CNTNAP3: variants seen among roughly 807,000 people sequenced by gnomAD.
CNTNAP3 encodes the protein contactin-associated protein-like 3.
In CNTNAP3, 36 loss-of-function variants were observed where a neutral mutation model predicts 92.1. That is an observed-to-expected ratio of 0.39 (90% CI 0.30 to 0.52). The LOEUF (loss-of-function observed/expected upper bound fraction) is 0.52. Ranked by LOEUF, CNTNAP3 falls within the 20% of genes least tolerant of loss-of-function variation. The probability of loss-of-function intolerance (pLI) is 0.76; values close to 1 mark genes in which losing one functional copy is unlikely to be tolerated. For synonymous variants in CNTNAP3, 232 were observed against 422.3 expected (o/e 0.55, Z 5.53); for missense variants, 534 against 1,069.6 (o/e 0.50, Z 6.98).
chr9:39,097,014 C>G (rs1826342143), intron 18 of CNTNAP3, among the ~76,000 whole-genome samples: 1 of 151,476 alleles, frequency 6.6e-6, no homozygotes, highest in African/African-American at 2.4e-5. Flanking sequence ...TATTGGTGTG[C>G]TTAGTTATGT....
intron 15 of CNTNAP3, among the ~76,000 whole-genome samples, chr9:39,104,909 C>G (rs2990116): frequency 6.6e-6 from 1 of 152,134 alleles, no homozygotes; most frequent in East Asian, 1.9e-4. Flanking sequence ...CATTTGTCCA[C>G]TTTCTCCAAC....
At chr9:39,103,642 T>C in intron 16 of CNTNAP3, 102 bp downstream of exon 16, 1 of 1,313,552 alleles carries the variant, frequency 7.6e-7, no homozygotes, top group South Asian at 1.6e-5. Flanking sequence ...TATAATGAAA[T>C]AGAATCACAA....
At chr9:39,078,214 A>T in intron 23 of CNTNAP3, 171 bp downstream of exon 23, 3 of 1,379,048 alleles carry the variant, frequency 2.2e-6, no homozygotes, top group Non-Finnish European at 2.0e-6. Flanking sequence ...TCTCAAATAG[A>T]AAAAAAACAA....
intron 18 of CNTNAP3, among the ~76,000 whole-genome samples, chr9:39,089,377 T>TATCA (rs1477840248): frequency 6.6e-6 from 1 of 152,270 alleles, no homozygotes; most frequent in Non-Finnish European, 1.5e-5. Flanking sequence ...TTGTAGCATG[T>TATCA]ATCAGTATTT....
chr9:39,122,072 TG>T, intron 13 of CNTNAP3, among the ~76,000 whole-genome samples: 2 of 152,204 alleles, frequency 1.3e-5, no homozygotes, highest in South Asian at 4.2e-4. Flanking sequence ...AGGATGCTTC[TG>T]GCCGGGCGCG....
At chr9:39,147,069 G>C (rs147812730) in intron 10 of CNTNAP3, among the ~76,000 whole-genome samples, 2,570 of 152,202 alleles carry the variant, frequency 0.017, 84 homozygotes, top group African/African-American at 0.058. Context: ...GTTTTATAAA[G>C]GGGAGTTTCC....
At chr9:39,121,118 C>T (rs878994621) in intron 13 of CNTNAP3, among the ~76,000 whole-genome samples, 3 of 150,612 alleles carry the variant, frequency 2.0e-5, no homozygotes, top group African/African-American at 7.4e-5. Flanking sequence ...AAAAGTTAGA[C>T]GTTGGCAGAA....
Position 39,109,196 on chromosome 9 carries a change from C to T in CNTNAP3, c.2329G>A (p.Ala777Thr). The T allele has an allele frequency of 6.2e-7, 1 of 1,613,004 alleles. No individual in the cohort carries two copies. Among genetic ancestry groups the T allele is most frequent in the South Asian group, 1.1e-5 (1 of 91,024 alleles). ...TDAGRPHSEA[A>T]YTLGPLLCRG... ...CAGAGCAGTGGCCCCAGTGTATAAG[C>T]TGCTTCGGAATGTGGTCGGCCTGCG... The change falls in exon 15 of 24, where the codon GCT becomes ACT. Residue 777 changes from alanine to threonine, a missense_variant. Coordinates refer to ENST00000297668, the MANE Select transcript of CNTNAP3 (RefSeq NM_033655.5).
intron 14 of CNTNAP3, among the ~76,000 whole-genome samples, chr9:39,112,941 A>G (rs1282301764): frequency 6.6e-6 from 1 of 152,144 alleles, no homozygotes; most frequent in Non-Finnish European, 1.5e-5. Flanking sequence ...TGCAATCCAC[A>G]CAAGTAAAAC....
At position 39,161,841 on chromosome 9, in the gene CNTNAP3, C is replaced by T. The variant is rs1166388453; in HGVS notation, c.1477+4092G>A. 5.9e-5 allele frequency among the ~76,000 whole-genome samples: 6 copies of T among 102,208 alleles called. No individual in the cohort carries two copies. In the East Asian group the frequency reaches 1.5e-3, roughly 25 times the overall value. The allele number at this position is 102,208 out of a possible 152,430, so 67.1% of individuals were successfully genotyped here. On this transcript the variant is annotated intron_variant, in intron 9 of 23. Transcript: ENST00000297668. ...CAACAGGTGAGACTGACTCTAAAGTCTCAAAAAAAAAAAAAAAAAAGTAAA... is the reference window on the plus strand; with the variant it reads ...CAACAGGTGAGACTGACTCTAAAGTTTCAAAAAAAAAAAAAAAAAAGTAAA...
chr9:39,260,526 T>C (rs1822866234), intron 2 of CNTNAP3, among the ~76,000 whole-genome samples: 1 of 17,620 alleles, frequency 5.7e-5, no homozygotes, highest in Non-Finnish European at 1.1e-4. Flanking sequence ...CCATCCTGGC[T>C]AACATGGTGA....
rs1826422350 is a variant in CNTNAP3, at chr9:39,100,140, G to GCTAACAAATCTCATAGCTCT, written c.2765_2766insAGAGCTATGAGATTTGTTAG (p.Thr923GlufsTer3). The GCTAACAAATCTCATAGCTCT allele has an allele frequency of 6.3e-7, 1 of 1,582,836 alleles. No individual in the cohort carries two copies. Among genetic ancestry groups the GCTAACAAATCTCATAGCTCT allele is most frequent in the Non-Finnish European group, 8.6e-7 (1 of 1,161,604 alleles). ...ATCCTAGAAAGCCTCTCTGTCTGGT[G>GCTAACAAATCTCATAGCTCT]GCCGTTCCACCTACAACGGAAACAC... On this transcript the variant is annotated stop_gained and frameshift_variant, in exon 18 of 24. Coordinates refer to ENST00000297668, the MANE Select transcript of CNTNAP3 (RefSeq NM_033655.5). LOFTEE classifies it high-confidence loss of function.
At position 39,073,079 on chromosome 9, in the gene CNTNAP3, T is replaced by G. The variant is rs1352706178; in HGVS notation, c.*811A>C. The G allele has an allele frequency of 6.5e-6, 1 of 152,832 alleles. No individual in the cohort carries two copies. The allele number at this position is 152,832 out of a possible 1,614,324, so 9.5% of individuals were successfully genotyped here. A position where few individuals can be genotyped will look rare whatever the true frequency, so the allele number is the denominator to read the frequency against. ...ACAAAGAAAAACAGGCAGACAATCT[T>G]GTATTGACATCCTCTTGCATCTTGT... On this transcript the variant is annotated 3_prime_UTR_variant, in exon 24 of 24. Coordinates refer to ENST00000297668, the MANE Select transcript of CNTNAP3 (RefSeq NM_033655.5).
At chr9:39,133,167 C>A in intron 12 of CNTNAP3, 32 bp from the exon 13 acceptor site, 1 of 1,557,270 alleles carries the variant, frequency 6.4e-7, no homozygotes, top group Non-Finnish European at 8.6e-7. Flanking sequence ...AGAGGCATCA[C>A]TGGACGGCAG....
intron 14 of CNTNAP3, among the ~76,000 whole-genome samples, chr9:39,112,102 G>A (rs1294154191): frequency 6.6e-6 from 1 of 151,246 alleles, no homozygotes; most frequent in Non-Finnish European, 1.5e-5. Flanking sequence ...TGCTTTCATA[G>A]GTACCATAAT....
chr9:39,109,303 C>T lies in CNTNAP3; in HGVS notation c.2238-16G>A, dbSNP rs758094186. ...GTCACTAGTCCTAAAGAACAACAAC[C>T]GAAACCATTAAAATTATTCTGATTA... On this transcript the variant is annotated splice_polypyrimidine_tract_variant and intron_variant, in intron 14 of 23. Transcript: ENST00000297668. The T allele has an allele frequency of 5.0e-6, 8 of 1,610,604 alleles. No individual in the cohort carries two copies. The highest frequency in any genetic ancestry group is 5.9e-6 in the Non-Finnish European group (7 of 1,179,120).
At chr9:39,102,829 T>A in intron 16 of CNTNAP3, 114 bp from the exon 17 acceptor site, 1 of 1,338,148 alleles carries the variant, frequency 7.5e-7, no homozygotes, top group Non-Finnish European at 1.0e-6. Context: ...ATGACGGCGA[T>A]GCAGAAAAAC....
At chr9:39,119,308 T>C (rs1224123590) in intron 13 of CNTNAP3, among the ~76,000 whole-genome samples, 2 of 145,972 alleles carry the variant, frequency 1.4e-5, no homozygotes, top group South Asian at 2.1e-4. Flanking sequence ...ATAGATAAGA[T>C]CTCTGCATTC....
Position 39,067,144 on chromosome 9 carries a change from A to G in CNTNAP3, c.*6746T>C, listed in dbSNP as rs1312703927. ...AAAACTCTCATCTGCCATTAATTAC[A>G]TCCATTGTATTTTTTAATCTTATAC... On this transcript the variant is annotated 3_prime_UTR_variant, in exon 24 of 24. Coordinates refer to ENST00000297668, the MANE Select transcript of CNTNAP3 (RefSeq NM_033655.5). Among the ~76,000 whole-genome samples, 1 of 151,730 alleles carries G rather than the reference A, an allele frequency of 6.6e-6. No individual in the cohort carries two copies. Among genetic ancestry groups the G allele is most frequent in the Non-Finnish European group, 1.5e-5 (1 of 67,552 alleles).
Sources: gnomAD v4.1 joint callset for allele counts (sites outside exome capture counted in the v4.1 genomes callset) on GRCh38, gnomAD v4.1.1 for gene constraint, MANE v1.5 for transcripts, NCBI Gene and HGNC (gene_info 2026-07-23, HGNC 2026-07-21) for gene names.